PAX7: variants seen among roughly 807,000 people sequenced by gnomAD.
The protein encoded by PAX7 is paired box protein Pax-7.
In PAX7, 18 loss-of-function variants were observed where a neutral mutation model predicts 50.7. The observed-to-expected ratio is 0.36, with a 90% CI of 0.25 to 0.53. PAX7 has a LOEUF of 0.53. Ranked by LOEUF, PAX7 falls within the 20% of genes least tolerant of loss-of-function variation. The pLI is 0.93. For synonymous variants in PAX7, 310 were observed against 290.4 expected (o/e 1.07, Z -0.69); for missense variants, 644 against 702.9 (o/e 0.92, Z 0.95).
chr1:18,729,324 C>G (rs190812952), intron 7 of PAX7, among the ~76,000 whole-genome samples: 2 of 152,254 alleles, frequency 1.3e-5, no homozygotes, highest in East Asian at 3.9e-4. Flanking sequence ...GGAACCACAC[C>G]CAAGACAGGG....
At chr1:18,698,992 G>A (rs1401057004) in intron 5 of PAX7, among the ~76,000 whole-genome samples, 1 of 152,214 alleles carries the variant, frequency 6.6e-6, no homozygotes, top group African/African-American at 2.4e-5. Flanking sequence ...TGCCAGGGGA[G>A]GTGGCGGCCT....
intron 5 of PAX7, among the ~76,000 whole-genome samples, chr1:18,699,395 G>A (rs1463570525): frequency 1.3e-5 from 2 of 152,120 alleles, no homozygotes; most frequent in East Asian, 3.9e-4. Context: ...AGGCCAAAGA[G>A]CCAGCTGCAG....
intron 4 of PAX7, among the ~76,000 whole-genome samples, chr1:18,651,643 A>G (rs1260301180): frequency 6.6e-6 from 1 of 152,202 alleles, no homozygotes; most frequent in Non-Finnish European, 1.5e-5. Flanking sequence ...GAATTAATTT[A>G]TCAGTGGTGG....
chr1:18,748,692 G>C lies in PAX7; in HGVS notation c.*3763G>C, dbSNP rs1205609905. On this transcript the variant is annotated 3_prime_UTR_variant, in exon 9 of 9. Coordinates refer to ENST00000420770, the MANE Select transcript of PAX7 (RefSeq NM_001135254.2). ...GTGAGGGTGTGAGTGGGGTGTGTGC[G>C]TGGGCGTGTGGGCGTGAGGTGTGTG... 1 of 231,966 alleles carries C rather than the reference G, an allele frequency of 4.3e-6. No homozygotes were observed. The highest frequency in any genetic ancestry group is 2.2e-5 in the African/African-American group (1 of 45,230). 14.4% of individuals were successfully genotyped at this position (231,966 alleles called of 1,614,324 possible). A position where few individuals can be genotyped will look rare whatever the true frequency, so the allele number is the denominator to read the frequency against.
Position 18,631,609 on chromosome 1 carries a change from G to T in PAX7, c.6G>T (p.Ala2=), listed in dbSNP as rs562546072. The change falls in exon 1 of 9, where the codon GCG becomes GCT. Residue 2 remains alanine (A), a synonymous_variant. Coordinates refer to ENST00000420770, the MANE Select transcript of PAX7 (RefSeq NM_001135254.2). ...CGTCCCCGGCGTGCGCAAGAATGGC[G>T]GCCCTTCCCGGCACGGTACCGAGAA... M[A]ALPGTVPRMM... 17 of 1,612,090 alleles carry T rather than the reference G, an allele frequency of 1.1e-5. No individual in the cohort carries two copies. In the South Asian group the frequency reaches 1.8e-4, roughly 17 times the overall value.
At chr1:18,727,856 G>A (rs1383800670) in intron 7 of PAX7, among the ~76,000 whole-genome samples, 1 of 152,096 alleles carries the variant, frequency 6.6e-6, no homozygotes, top group African/African-American at 2.4e-5. Flanking sequence ...GTTGGGTGTG[G>A]AGGCCATAAG....
In PAX7 at chr1:18,634,264, T is replaced by G. The variant is rs1165986386; in HGVS notation, c.86-39T>G. ...CAGTGTCTGCTCTCCATCCTCACCCTGCACCTCTCTCCTTCTGCATCTCCC... is the reference window on the plus strand; with the variant it reads ...CAGTGTCTGCTCTCCATCCTCACCCGGCACCTCTCTCCTTCTGCATCTCCC... On this transcript the variant is annotated intron_variant, in intron 1 of 8. Coordinates refer to ENST00000420770, the MANE Select transcript of PAX7 (RefSeq NM_001135254.2). This position sits in a 1 kb window ranked among gnomAD's most constrained non-coding sequence, Gnocchi z 4.0. 6.5e-7 allele frequency: 1 copy of G among 1,537,120 alleles called. No homozygotes were observed. The highest frequency in any genetic ancestry group is 1.2e-5 in the South Asian group (1 of 86,850).
At chr1:18,679,882 G>A (rs1240747941) in intron 4 of PAX7, among the ~76,000 whole-genome samples, 1 of 152,226 alleles carries the variant, frequency 6.6e-6, no homozygotes, top group Non-Finnish European at 1.5e-5. Flanking sequence ...AGGCAACTGT[G>A]CTTGCCTCTG....
chr1:18,706,003 T>C (rs148207121), intron 7 of PAX7, among the ~76,000 whole-genome samples: 86 of 152,214 alleles, frequency 5.6e-4, no homozygotes, highest in African/African-American at 1.8e-3. Context: ...CGTGTGTGCT[T>C]CTGTGCATGT....
Position 18,636,621 on chromosome 1 carries a change from G to A in PAX7, c.586+250G>A, listed in dbSNP as rs2088162600. On this transcript the variant is annotated intron_variant, in intron 4 of 8. Coordinates refer to ENST00000420770, the MANE Select transcript of PAX7 (RefSeq NM_001135254.2). The surrounding 1 kb of genome is among the most constrained non-coding windows in gnomAD (Gnocchi z 5.1). ...TGGAGGCCGGGCACGGACGGCCTGT[G>A]AGTCCCGGGAGAGCCCGGCTGCGGG... Among the ~76,000 whole-genome samples, 1 of 152,228 alleles carries A rather than the reference G, an allele frequency of 6.6e-6. No homozygotes were observed. Among genetic ancestry groups the A allele is most frequent in the South Asian group, 2.1e-4 (1 of 4,832 alleles).
chr1:18,644,336 C>T (rs1474468362), intron 4 of PAX7, among the ~76,000 whole-genome samples: 1 of 152,186 alleles, frequency 6.6e-6, no homozygotes, highest in Non-Finnish European at 1.5e-5. Context: ...AACTCACTAG[C>T]GATATCACTC....
chr1:18,671,380 T>A (rs534276329), intron 4 of PAX7, among the ~76,000 whole-genome samples: 199 of 152,276 alleles, frequency 1.3e-3, no homozygotes, highest in African/African-American at 4.4e-3. Context: ...AGAAAAGAAA[T>A]GGTAAAATCA....
chr1:18,670,483 C>T (rs1262567858), intron 4 of PAX7, among the ~76,000 whole-genome samples: 1 of 152,192 alleles, frequency 6.6e-6, no homozygotes, highest in East Asian at 1.9e-4. Flanking sequence ...GCCCCTCCCA[C>T]CTCCTCGGCT....
At chr1:18,662,903 A>G (rs928844520) in intron 4 of PAX7, among the ~76,000 whole-genome samples, 8 of 119,110 alleles carry the variant, frequency 6.7e-5, no homozygotes, top group Non-Finnish European at 1.4e-4. Flanking sequence ...GGAATCACAT[A>G]TTATTGTGAA....
In PAX7 at chr1:18,631,663, C is replaced by A; in HGVS notation, c.60C>A (p.Tyr20Ter). ...RMMRPAPGQN[Y>*]PRTGFPLEVS... ...TGCGGCCGGCTCCGGGGCAGAACTACCCCCGCACGGGATTCCCTTTGGAAG... is the reference window on the plus strand; with the variant it reads ...TGCGGCCGGCTCCGGGGCAGAACTAACCCCGCACGGGATTCCCTTTGGAAG... The change falls in exon 1 of 9, where the codon TAC (tyrosine) becomes TAA (stop). Residue 20 changes from tyrosine (Y) to a stop codon, truncating the protein, a stop_gained. Transcript: ENST00000420770. LOFTEE classifies it high-confidence loss of function. The A allele has an allele frequency of 6.2e-7, 1 of 1,612,912 alleles. No individual in the cohort carries two copies. Among genetic ancestry groups the A allele is most frequent in the Non-Finnish European group, 8.5e-7 (1 of 1,179,798 alleles).
chr1:18,641,312 G>C (rs1299695677), intron 4 of PAX7, among the ~76,000 whole-genome samples: 6 of 152,250 alleles, frequency 3.9e-5, no homozygotes, highest in Admixed American at 3.9e-4. Flanking sequence ...AGCGGGGGAA[G>C]CCGTCGGAGG....
intron 4 of PAX7, among the ~76,000 whole-genome samples, chr1:18,688,959 C>G (rs2089017653): frequency 1.3e-5 from 2 of 152,086 alleles, no homozygotes; most frequent in South Asian, 4.2e-4. Flanking sequence ...AGGATTTCCC[C>G]CAGGACAAGG....
intron 7 of PAX7, among the ~76,000 whole-genome samples, chr1:18,722,345 C>T (rs1158254485): frequency 2.0e-5 from 3 of 152,130 alleles, no homozygotes; most frequent in Non-Finnish European, 4.4e-5. Flanking sequence ...AGCGAGAAAG[C>T]TACTATCTCC....
chr1:18,689,969 T>C (rs2100291448), intron 4 of PAX7, among the ~76,000 whole-genome samples: 1 of 152,322 alleles, frequency 6.6e-6, no homozygotes. Context: ...ATCTTTGTAT[T>C]GGTGGAAGGG....
Sources: allele counts gnomAD v4.1 joint callset (sites outside exome capture counted in the v4.1 genomes callset), GRCh38; gene constraint gnomAD v4.1.1; non-coding constraint Gnocchi (gnomAD v3.1); transcripts MANE v1.5; gene names NCBI Gene and HGNC (gene_info 2026-07-23, HGNC 2026-07-21).